TRPC1: variants seen among roughly 807,000 people sequenced by gnomAD.
TRPC1 encodes the protein short transient receptor potential channel 1.
A neutral mutation model predicts 88.2 loss-of-function variants in TRPC1; 42 were observed. The ratio of observed to expected loss-of-function variants is 0.48; its 90% CI spans 0.37 to 0.62. The LOEUF is 0.62. Ranked by LOEUF, TRPC1 falls within the 20% of genes least tolerant of loss-of-function variation. TRPC1 has a pLI of 0.00. For synonymous variants in TRPC1, 288 were observed against 331.8 expected (o/e 0.87, Z 1.43); for missense variants, 699 against 957.3 (o/e 0.73, Z 3.56).
chr3:142,766,127 A>G (rs903064516), intron 4 of TRPC1, among the ~76,000 whole-genome samples: 11 of 152,122 alleles, frequency 7.2e-5, no homozygotes, highest in African/African-American at 1.9e-4. Context: ...ACTGATTACT[A>G]TCGCTTTATA....
Position 142,777,661 on chromosome 3 carries a change from C to G in TRPC1, c.662C>G (p.Ala221Gly), listed in dbSNP as rs866022703. 1 of 1,607,566 alleles carries G rather than the reference C, an allele frequency of 6.2e-7. No homozygotes were observed. The highest frequency in any genetic ancestry group is 8.5e-7 in the Non-Finnish European group (1 of 1,176,216). Residue 221 changes from alanine to glycine, a missense_variant, in exon 5 of 13, where the codon GCC becomes GGC. Physicochemically the swap from Ala to Gly is moderately conservative, Grantham distance 60. This residue lies in a region of TRPC1 where 426 missense variants were observed against 641.3 expected (regional missense o/e 0.66). Coordinates refer to ENST00000476941, the MANE Select transcript of TRPC1 (RefSeq NM_001251845.2). ...CGTCTTGATATATATCGATGTTTGG[C>G]CAGTCCAGCTCTAATAATGTTAACA... ...RFRLDIYRCLASPALIMLTEE... is the reference protein window; with the variant it reads ...RFRLDIYRCLGSPALIMLTEE...
intron 9 of TRPC1, among the ~76,000 whole-genome samples, chr3:142,793,575 A>G (rs770604875): frequency 6.6e-6 from 1 of 152,172 alleles, no homozygotes; most frequent in Non-Finnish European, 1.5e-5. Context: ...ATTATTATGT[A>G]TGAGAGTTCA....
At chr3:142,782,351 A>G (rs116002191) in intron 6 of TRPC1, among the ~76,000 whole-genome samples, 169 of 152,320 alleles carry the variant, frequency 1.1e-3, no homozygotes, top group Middle Eastern at 6.8e-3. Context: ...ATGAATGAAA[A>G]TGTAAAGTAG....
At chr3:142,758,584 C>T (rs1206575682) in intron 4 of TRPC1, among the ~76,000 whole-genome samples, 1 of 152,014 alleles carries the variant, frequency 6.6e-6, no homozygotes, top group Non-Finnish European at 1.5e-5. Context: ...GTCTCCCATT[C>T]TATGAGTTGG....
chr3:142,766,146 T>A (rs1935379773), intron 4 of TRPC1, among the ~76,000 whole-genome samples: 1 of 152,206 alleles, frequency 6.6e-6, no homozygotes, highest in Non-Finnish European at 1.5e-5. Flanking sequence ...TAGTAAGTTT[T>A]AAAATCAATT....
chr3:142,762,182 C>T (rs959147146), intron 4 of TRPC1, among the ~76,000 whole-genome samples: 2 of 151,798 alleles, frequency 1.3e-5, no homozygotes, highest in Middle Eastern at 3.4e-3. Flanking sequence ...ACTATAGGCA[C>T]GTGCCACCAC....
intron 9 of TRPC1, among the ~76,000 whole-genome samples, chr3:142,800,146 C>G (rs1936574495): frequency 6.6e-6 from 1 of 152,108 alleles, no homozygotes; most frequent in African/African-American, 2.4e-5. Flanking sequence ...GGATGCTTTT[C>G]TTTCTCAAGG....
intron 4 of TRPC1, among the ~76,000 whole-genome samples, chr3:142,768,101 A>G (rs1051961783): frequency 2.0e-5 from 3 of 152,072 alleles, no homozygotes; most frequent in African/African-American, 7.2e-5. Context: ...AAGAGGGTCC[A>G]TGGCTCAGCA....
chr3:142,746,855 CA>C (rs1376393530), intron 3 of TRPC1, among the ~76,000 whole-genome samples: 208 of 135,008 alleles, frequency 1.5e-3, no homozygotes, highest in Middle Eastern at 3.6e-3. Context: ...GAGACTCCAC[CA>C]AAAAAAAAAA....
chr3:142,783,876 G>A (rs1187329093), intron 6 of TRPC1, among the ~76,000 whole-genome samples: 1 of 152,050 alleles, frequency 6.6e-6, no homozygotes, highest in Non-Finnish European at 1.5e-5. Flanking sequence ...GGACCCTTAA[G>A]TTATACTTCA....
At chr3:142,773,506 G>T (rs1216885456) in intron 4 of TRPC1, among the ~76,000 whole-genome samples, 1 of 150,962 alleles carries the variant, frequency 6.6e-6, no homozygotes, top group Non-Finnish European at 1.5e-5. Context: ...GAGAAATAAT[G>T]AAAAGGAATA....
At chr3:142,773,435 T>C (rs571641497) in intron 4 of TRPC1, among the ~76,000 whole-genome samples, 69 of 152,066 alleles carry the variant, frequency 4.5e-4, no homozygotes, top group Non-Finnish European at 2.9e-4. Flanking sequence ...GACAGCATGA[T>C]TGCGGAAGTA....
rs1363623226 is a variant in TRPC1 at position 142,807,704 on chromosome 3, A to G, written c.*1469A>G. 1 of 152,178 alleles carries G rather than the reference A, an allele frequency of 6.6e-6. No homozygotes were observed. Among genetic ancestry groups the G allele is most frequent in the East Asian group, 1.9e-4 (1 of 5,204 alleles). The allele number at this position is 152,178 out of a possible 1,614,324, so 9.4% of individuals were successfully genotyped here. A position where few individuals can be genotyped will look rare whatever the true frequency, so the allele number is the denominator to read the frequency against. On this transcript the variant is annotated 3_prime_UTR_variant, in exon 13 of 13. Transcript: ENST00000476941. ...AGTTATATATTTTGTCTACGATGGG[A>G]TTATGCACTTCCCAATTGGGATTTT...
At chr3:142,797,879 G>A (rs561825465) in intron 9 of TRPC1, among the ~76,000 whole-genome samples, 1 of 152,218 alleles carries the variant, frequency 6.6e-6, no homozygotes, top group South Asian at 2.1e-4. Flanking sequence ...TTTATTTCTA[G>A]TGAATTATTT....
At chr3:142,740,392 A>G (rs1577949847) in intron 2 of TRPC1, among the ~76,000 whole-genome samples, 1 of 152,342 alleles carries the variant, frequency 6.6e-6, no homozygotes, top group Middle Eastern at 3.4e-3. Context: ...TCCTCATCAG[A>G]CAAACACAGA....
At chr3:142,763,369 G>C (rs767734288) in intron 4 of TRPC1, among the ~76,000 whole-genome samples, 1 of 151,976 alleles carries the variant, frequency 6.6e-6, no homozygotes, top group Non-Finnish European at 1.5e-5. Flanking sequence ...GGGGGCTCCA[G>C]TGTTGGGTTC....
In TRPC1 at chr3:142,796,000, C is replaced by T. The variant is rs193280095; in HGVS notation, c.1581+3033C>T. 6.6e-5 allele frequency among the ~76,000 whole-genome samples: 10 copies of T among 152,160 alleles called. 1 individual carries two copies. The East Asian group carries it at 1.7e-3, about 26-fold the overall frequency. ...ATTGTGGTAATAATAGTAATAACAG[C>T]AGACATTTATTGGGCCCTTACTATG... On this transcript the variant is annotated intron_variant, in intron 9 of 12. Transcript: ENST00000476941.
intron 5 of TRPC1, 95 bp downstream of exon 5, chr3:142,777,858 T>A (rs1244158545): frequency 7.4e-7 from 1 of 1,344,686 alleles, no homozygotes; most frequent in Non-Finnish European, 1.0e-6. Context: ...ATATTTACAT[T>A]TGATCCAAGA....
At chr3:142,802,491 T>C in intron 10 of TRPC1, 147 bp downstream of exon 10, 1 of 556,510 alleles carries the variant, frequency 1.8e-6, no homozygotes, top group South Asian at 7.6e-5. Flanking sequence ...TACTTATTTT[T>C]CATGAATCAC....
Sources: gnomAD v4.1 joint callset for allele counts (sites outside exome capture counted in the v4.1 genomes callset) on GRCh38, gnomAD v4.1.1 for gene constraint, gnomAD v4.1.1 regional missense constraint, MANE v1.5 for transcripts, NCBI Gene and HGNC (gene_info 2026-07-23, HGNC 2026-07-21) for gene names.